The following THSD7A variants were observed in gnomAD, a reference collection of about 807,000 sequenced individuals.
THSD7A encodes thrombospondin type-1 domain-containing protein 7A.
Under a neutral mutation model 231.3 loss-of-function variants are expected in THSD7A, and 96 were observed. The ratio of observed to expected loss-of-function variants is 0.41; its 90% CI spans 0.35 to 0.49. The LOEUF is 0.49. THSD7A is among the 20% of genes least tolerant of loss of function. The pLI, the probability that THSD7A is intolerant of heterozygous loss-of-function variation, is 0.05. For synonymous variants in THSD7A, 940 were observed against 743.3 expected, an observed-to-expected ratio of 1.26 and a Z score of -4.30; for missense variants, 2,290 against 2,070.2, an observed-to-expected ratio of 1.11 and a Z score of -2.06.
intron 15 of THSD7A, among the ~76,000 whole-genome samples, chr7:11,425,786 CAA>C (rs371871807): frequency 2.1e-5 from 3 of 143,852 alleles, no homozygotes; most frequent in African/African-American, 5.2e-5. Flanking sequence ...AGACAGAGAG[CAA>C]GAGAGAGAGA....
At chr7:11,655,928 G>T (rs1168614643) in intron 1 of THSD7A, among the ~76,000 whole-genome samples, 1 of 151,850 alleles carries the variant, frequency 6.6e-6, no homozygotes, top group Non-Finnish European at 1.5e-5. Context: ...CCCTGTGCCT[G>T]AGTACTTATT....
chr7:11,402,300 T>C (rs972449325), intron 22 of THSD7A, among the ~76,000 whole-genome samples: 1 of 152,258 alleles, frequency 6.6e-6, no homozygotes, highest in Non-Finnish European at 1.5e-5. Flanking sequence ...CTTGTCATTA[T>C]CATAGTAAAG....
intron 11 of THSD7A, among the ~76,000 whole-genome samples, chr7:11,454,746 G>A (rs947399592): frequency 4.0e-5 from 6 of 151,826 alleles, no homozygotes; most frequent in African/African-American, 1.5e-4. Flanking sequence ...TGAAGGCAAT[G>A]TGAAATATGT....
chr7:11,612,493 A>C (rs892334677), intron 2 of THSD7A, among the ~76,000 whole-genome samples: 6 of 152,366 alleles, frequency 3.9e-5, no homozygotes, highest in African/African-American at 1.4e-4. Context: ...ACATGTGACC[A>C]GATACTTACT....
intron 6 of THSD7A, among the ~76,000 whole-genome samples, chr7:11,513,853 G>C (rs182370454): frequency 1.6e-4 from 25 of 151,922 alleles, no homozygotes; most frequent in African/African-American, 5.8e-4. Flanking sequence ...AAGGCTATTA[G>C]GATATGACAA....
intron 1 of THSD7A, among the ~76,000 whole-genome samples, chr7:11,725,437 C>A (rs1390566922): frequency 6.6e-6 from 1 of 151,874 alleles, no homozygotes; most frequent in African/African-American, 2.4e-5. Flanking sequence ...AAAAGACATA[C>A]CTATCTTGTT....
intron 1 of THSD7A, among the ~76,000 whole-genome samples, chr7:11,827,373 A>G: frequency 6.6e-6 from 1 of 152,168 alleles, no homozygotes; most frequent in Admixed American, 6.5e-5. Flanking sequence ...TTCCCAAAAC[A>G]CTGTGAATTA....
At chr7:11,781,471 AAAG>A (rs1191269480) in intron 1 of THSD7A, among the ~76,000 whole-genome samples, 1 of 152,044 alleles carries the variant, frequency 6.6e-6, no homozygotes, top group Non-Finnish European at 1.5e-5. Context: ...AGCAAACAAA[AAAG>A]AAGACGAAAA....
chr7:11,505,546 T>C (rs925718439), intron 6 of THSD7A, among the ~76,000 whole-genome samples: 55 of 152,112 alleles, frequency 3.6e-4, no homozygotes, highest in African/African-American at 1.3e-3. Flanking sequence ...CTGCCAAAGA[T>C]AGAAACATCT....
chr7:11,390,109 A>C (rs906012103), intron 23 of THSD7A, among the ~76,000 whole-genome samples: 3 of 152,102 alleles, frequency 2.0e-5, no homozygotes, highest in African/African-American at 7.2e-5. Flanking sequence ...GCTCTTCTCA[A>C]GGAGTATCTT....
intron 24 of THSD7A, among the ~76,000 whole-genome samples, chr7:11,380,661 T>C (rs1375616233): frequency 6.6e-6 from 1 of 152,218 alleles, no homozygotes; most frequent in Non-Finnish European, 1.5e-5. Flanking sequence ...AGCAGTATTT[T>C]GAGTTTCTTA....
intron 1 of THSD7A, among the ~76,000 whole-genome samples, chr7:11,789,003 C>A (rs1340433325): frequency 2.0e-5 from 3 of 151,746 alleles, no homozygotes; most frequent in African/African-American, 7.3e-5. Context: ...GAATACTAAA[C>A]CAAGTGAAGT....
intron 1 of THSD7A, among the ~76,000 whole-genome samples, chr7:11,709,915 C>T (rs1340819215): frequency 3.3e-5 from 5 of 150,792 alleles, no homozygotes; most frequent in African/African-American, 4.8e-5. Flanking sequence ...TGCATTCCTG[C>T]TTGCACACAA....
intron 1 of THSD7A, among the ~76,000 whole-genome samples, chr7:11,744,218 G>A (rs975775316): frequency 2.6e-5 from 4 of 151,698 alleles, no homozygotes; most frequent in Non-Finnish European, 4.4e-5. Flanking sequence ...TGACCTTCAT[G>A]TCATTGACTT....
rs1219063220 is a variant in THSD7A at position 11,444,862 on chromosome 7, CTA to C, written c.3064+1197_3064+1198del. On this transcript the variant is annotated intron_variant, in intron 13 of 27. Transcript: ENST00000423059. This position sits in a 1 kb window ranked among gnomAD's most constrained non-coding sequence, Gnocchi z 4.2. ...ATATAATTAAACTATATATATAAAA[CTA>C]TCATTATATATAACTATTTTATATA... Among the ~76,000 whole-genome samples the C allele has an allele frequency of 6.9e-6, 1 of 145,560 alleles. No homozygotes were observed. The highest frequency in any genetic ancestry group is 2.5e-5 in the African/African-American group (1 of 39,892).
At chr7:11,810,147 G>A (rs896171462) in intron 1 of THSD7A, among the ~76,000 whole-genome samples, 2 of 152,138 alleles carry the variant, frequency 1.3e-5, no homozygotes, top group Non-Finnish European at 2.9e-5. Context: ...AAGAACAAGA[G>A]GTAAAACTGA....
chr7:11,446,109 A>G lies in THSD7A; in HGVS notation c.3016T>C (p.Tyr1006His), dbSNP rs747761456. 2.5e-6 allele frequency: 4 copies of G among 1,613,306 alleles called. No homozygotes were observed. The highest frequency in any genetic ancestry group is 8.5e-7 in the Non-Finnish European group (1 of 1,179,572). Residue 1006 changes from tyrosine to histidine, a missense_variant, in exon 13 of 28, where the codon TAC becomes CAC. Tyr to His is a moderately conservative substitution (Grantham distance 83, BLOSUM62 2). Coordinates refer to ENST00000423059, the MANE Select transcript of THSD7A (RefSeq NM_015204.3). The surrounding 1 kb of genome is among the most constrained non-coding windows in gnomAD (Gnocchi z 4.0). ...TCCACAAGCCTGCCATTTTGATCGT[A>G]GCATGCCATTGCTTGGTAACGATAT... Reference protein sequence around the residue: ...QGYRYQAMACYDQNGRLVETS... With the variant: ...QGYRYQAMACHDQNGRLVETS...
At chr7:11,413,221 C>T (rs1324243671) in intron 17 of THSD7A, among the ~76,000 whole-genome samples, 1 of 151,732 alleles carries the variant, frequency 6.6e-6, no homozygotes, top group Non-Finnish European at 1.5e-5. Flanking sequence ...TTTCCTTTTC[C>T]TGATGCACAC....
intron 1 of THSD7A, among the ~76,000 whole-genome samples, chr7:11,815,389 C>A (rs1245663836): frequency 6.6e-6 from 1 of 152,008 alleles, no homozygotes; most frequent in South Asian, 2.1e-4. Context: ...TTATATCATG[C>A]CTCATCTACT....
Sources: allele counts gnomAD v4.1 joint callset (sites outside exome capture counted in the v4.1 genomes callset), GRCh38; gene constraint gnomAD v4.1.1; non-coding constraint Gnocchi (gnomAD v3.1); transcripts MANE v1.5; gene names NCBI Gene and HGNC (gene_info 2026-07-23, HGNC 2026-07-21).